Variants in DLG2 observed in about 807,000 individuals in gnomAD.
The protein encoded by DLG2 is disks large homolog 2.
In DLG2, 45 loss-of-function variants were observed where a neutral mutation model predicts 132.5. The ratio of observed to expected loss-of-function variants is 0.34; its 90% confidence interval spans 0.27 to 0.44. The LOEUF is 0.44. DLG2 is among the 20% of genes least tolerant of loss of function. DLG2 has a pLI of 1.00. For missense variants in DLG2, 1,045 were observed against 1,196.9 expected, an observed-to-expected ratio of 0.87 and a Z score of 1.87; for synonymous variants, 424 against 419.6, an observed-to-expected ratio of 1.01 and a Z score of -0.13.
At chr11:84,043,215 A>G (rs1193648426) in intron 11 of DLG2, among the ~76,000 whole-genome samples, 1 of 151,498 alleles carries the variant, frequency 6.6e-6, no homozygotes, top group Non-Finnish European at 1.5e-5. Context: ...TAAATTTAAA[A>G]AATTTATTGC....
chr11:85,095,516 C>G (rs890261255), intron 6 of DLG2, among the ~76,000 whole-genome samples: 2 of 151,908 alleles, frequency 1.3e-5, no homozygotes, highest in African/African-American at 4.8e-5. Context: ...TTTTTCAGTC[C>G]TATGGGCTCT....
chr11:84,819,519 T>A (rs2077449805), intron 6 of DLG2, among the ~76,000 whole-genome samples: 1 of 151,780 alleles, frequency 6.6e-6, no homozygotes, highest in Non-Finnish European at 1.5e-5. Context: ...CCTATATGCC[T>A]GGCATTGTCA....
intron 15 of DLG2, among the ~76,000 whole-genome samples, chr11:83,920,891 G>A (rs1343019301): frequency 6.6e-6 from 1 of 152,032 alleles, no homozygotes; most frequent in East Asian, 1.9e-4. Flanking sequence ...ATATCAATCA[G>A]TCATCTGTTG....
chr11:85,053,545 T>G (rs2063118094), intron 6 of DLG2, among the ~76,000 whole-genome samples: 1 of 150,900 alleles, frequency 6.6e-6, no homozygotes, highest in Non-Finnish European at 1.5e-5. Flanking sequence ...TCCCAGCACT[T>G]TGGGAGGCCT....
intron 7 of DLG2, among the ~76,000 whole-genome samples, chr11:84,424,143 C>T (rs569003918): frequency 6.6e-6 from 1 of 152,226 alleles, no homozygotes; most frequent in South Asian, 2.1e-4. Flanking sequence ...AATGACTCAA[C>T]AATCAAATGA....
intron 6 of DLG2, among the ~76,000 whole-genome samples, chr11:84,672,057 T>A (rs908812617): frequency 2.0e-5 from 3 of 152,134 alleles, no homozygotes; most frequent in Non-Finnish European, 4.4e-5. Flanking sequence ...CAAACATTTA[T>A]TGTGCACTAA....
chr11:83,906,545 A>G (rs2075018980), intron 15 of DLG2, among the ~76,000 whole-genome samples: 1 of 152,128 alleles, frequency 6.6e-6, no homozygotes, highest in Non-Finnish European at 1.5e-5. Context: ...TTTTGGAGAG[A>G]GTAGTGTGAT....
intron 19 of DLG2, among the ~76,000 whole-genome samples, chr11:83,613,446 A>C (rs1468310945): frequency 6.6e-6 from 1 of 152,224 alleles, no homozygotes; most frequent in East Asian, 1.9e-4. Context: ...CTGGAAATCA[A>C]AATGTAAATG....
At chr11:84,160,422 T>C (rs2095520807) in intron 9 of DLG2, among the ~76,000 whole-genome samples, 2 of 152,176 alleles carry the variant, frequency 1.3e-5, no homozygotes, top group African/African-American at 4.8e-5. Context: ...TTTAGCAAGA[T>C]GGAACCAGTA....
chr11:84,398,810 A>T (rs1412085635), intron 7 of DLG2, among the ~76,000 whole-genome samples: 1 of 152,208 alleles, frequency 6.6e-6, no homozygotes, highest in Non-Finnish European at 1.5e-5. Context: ...CATCAGTTGC[A>T]GTATTCTGGC....
At chr11:83,746,001 G>A (rs948530642) in intron 18 of DLG2, among the ~76,000 whole-genome samples, 1 of 152,256 alleles carries the variant, frequency 6.6e-6, no homozygotes, top group Non-Finnish European at 1.5e-5. Flanking sequence ...GTTCATCAGA[G>A]AAATGCAAAT....
intron 11 of DLG2, among the ~76,000 whole-genome samples, chr11:84,011,099 G>C (rs914911022): frequency 1.3e-5 from 2 of 151,972 alleles, no homozygotes; most frequent in African/African-American, 4.8e-5. Context: ...AATAAAACAG[G>C]TTGAGTGAAC....
In DLG2 at chr11:84,502,176, T is replaced by TTTCCCTCTCTCTCTCTCTC; in HGVS notation, c.519+32393_519+32394insGAGAGAGAGAGAGAGGGAA. ...TTCCTTCCTTTCTCTCTCTCTCTCTTTCTCTCTCTTTCTCTCTCTCTCTCT... is the reference window on the plus strand; with the variant it reads ...TTCCTTCCTTTCTCTCTCTCTCTCTTTTCCCTCTCTCTCTCTCTCTCTCTCTCTTTCTCTCTCTCTCTCT... On this transcript the variant is annotated intron_variant, in intron 7 of 27. Transcript: ENST00000376104. Among the ~76,000 whole-genome samples, 2 of 25,592 alleles carry TTTCCCTCTCTCTCTCTCTC rather than the reference T, an allele frequency of 7.8e-5. 1 individual carries two copies. The highest frequency in any genetic ancestry group is 1.8e-4 in the Non-Finnish European group (2 of 11,372). The allele number at this position is 25,592 out of a possible 152,430, so 16.8% of individuals were successfully genotyped here. A position where few individuals can be genotyped will look rare whatever the true frequency, so the allele number is the denominator to read the frequency against.
chr11:83,555,344 T>G (rs7946583), intron 19 of DLG2, among the ~76,000 whole-genome samples: 2,593 of 152,334 alleles, frequency 0.017, 84 homozygotes, highest in African/African-American at 0.059. Context: ...AGATGTGAGA[T>G]GATCAGATTT....
chr11:84,999,667 G>A (rs2058025597), intron 6 of DLG2, among the ~76,000 whole-genome samples: 2 of 152,152 alleles, frequency 1.3e-5, no homozygotes, highest in Admixed American at 1.3e-4. Flanking sequence ...AGCAGCCTGA[G>A]TGATTGGTTA....
intron 6 of DLG2, among the ~76,000 whole-genome samples, chr11:84,690,300 G>A (rs536270601): frequency 7.1e-4 from 107 of 151,760 alleles, no homozygotes; most frequent in Non-Finnish European, 1.4e-3. Flanking sequence ...AAAAAGATAA[G>A]CTGGTGAGAT....
intron 3 of DLG2, among the ~76,000 whole-genome samples, chr11:85,400,804 G>C (rs1331164045): frequency 6.6e-6 from 1 of 151,488 alleles, no homozygotes; most frequent in African/African-American, 2.4e-5. Flanking sequence ...AGAGGGGAGG[G>C]ATAGCATTAG....
intron 6 of DLG2, among the ~76,000 whole-genome samples, chr11:84,738,787 G>A (rs1166163240): frequency 6.6e-5 from 10 of 152,060 alleles, no homozygotes; most frequent in African/African-American, 2.4e-4. Flanking sequence ...GTATTCAAGA[G>A]AAATGAAAAC....
intron 4 of DLG2, among the ~76,000 whole-genome samples, chr11:85,206,143 T>A (rs940829286): frequency 5.3e-5 from 8 of 152,116 alleles, no homozygotes; most frequent in African/African-American, 1.9e-4. Flanking sequence ...ATCTCTATCT[T>A]CCTCCTGCTG....
Sources: gnomAD v4.1 joint callset for allele counts (sites outside exome capture counted in the v4.1 genomes callset) on GRCh38, gnomAD v4.1.1 for gene constraint, MANE v1.5 for transcripts, NCBI Gene and HGNC (gene_info 2026-07-23, HGNC 2026-07-21) for gene names.